The following METTL15 variants were observed in gnomAD, a reference collection of about 807,000 sequenced individuals.
METTL15 encodes 12S rRNA N(4)-cytidine methyltransferase METTL15.
In METTL15, 34 loss-of-function variants were observed where a neutral mutation model predicts 38.3. The ratio of observed to expected loss-of-function variants is 0.89; its 90% CI spans 0.68 to 1.18. The LOEUF (loss-of-function observed/expected upper bound fraction) is 1.18. Among genes scored for constraint, METTL15 ranks in the 50% most tolerant of loss-of-function variants. METTL15 has a pLI of 0.00. For missense variants in METTL15, 438 were observed against 498.4 expected (o/e 0.88, Z 1.15); for synonymous variants, 162 against 170.9 (o/e 0.95, Z 0.41).
At chr11:28,230,226 A>G (rs1207848354) in intron 4 of METTL15, among the ~76,000 whole-genome samples, 1 of 151,946 alleles carries the variant, frequency 6.6e-6, no homozygotes, top group African/African-American at 2.4e-5. Flanking sequence ...TTTGACAAAT[A>G]CAAATATAAG....
intron 4 of METTL15, chr11:28,287,223 T>A (rs1326589509): frequency 4.7e-6 from 1 of 214,052 alleles, no homozygotes; most frequent in Non-Finnish European, 9.4e-6. Flanking sequence ...TTTGTAAATT[T>A]GTATTACATC....
intron 3 of METTL15, among the ~76,000 whole-genome samples, chr11:28,116,034 C>G (rs1358551753): frequency 6.6e-6 from 1 of 151,940 alleles, no homozygotes; most frequent in Non-Finnish European, 1.5e-5. Context: ...ATAAGTCTCT[C>G]TCTTTATAGA....
chr11:28,161,039 A>G (rs1459100669), intron 3 of METTL15, among the ~76,000 whole-genome samples: 1 of 151,848 alleles, frequency 6.6e-6, no homozygotes, highest in African/African-American at 2.4e-5. Flanking sequence ...AGTAAATCAC[A>G]TTAAGTATTA....
intron 6 of METTL15, among the ~76,000 whole-genome samples, chr11:28,511,108 A>G (rs1480866046): frequency 6.6e-6 from 1 of 152,202 alleles, no homozygotes; most frequent in Non-Finnish European, 1.5e-5. Context: ...CTATATACAC[A>G]TGTACGCACT....
intron 3 of METTL15, among the ~76,000 whole-genome samples, chr11:28,126,268 C>T (rs1320043360): frequency 6.6e-6 from 1 of 152,018 alleles, no homozygotes; most frequent in African/African-American, 2.4e-5. Flanking sequence ...ATCCTCCTTC[C>T]TTGCTTGTTT....
At chr11:28,457,518 GC>G (rs1308375531) in intron 6 of METTL15, among the ~76,000 whole-genome samples, 1 of 152,148 alleles carries the variant, frequency 6.6e-6, no homozygotes, top group Admixed American at 6.5e-5. Context: ...GGTTGATAGG[GC>G]AAAAATTTCT....
At chr11:28,133,368 T>C (rs1849402135) in intron 3 of METTL15, among the ~76,000 whole-genome samples, 1 of 152,178 alleles carries the variant, frequency 6.6e-6, no homozygotes, top group Non-Finnish European at 1.5e-5. Flanking sequence ...CTTACTGTGG[T>C]CACTTTAGGT....
intron 6 of METTL15, among the ~76,000 whole-genome samples, chr11:28,462,876 G>A (rs1564938177): frequency 6.6e-6 from 1 of 152,108 alleles, no homozygotes; most frequent in Non-Finnish European, 1.5e-5. Context: ...AAGTAAGATA[G>A]TGCCAATTTA....
chr11:28,387,190 T>A (rs1850449531), intron 5 of METTL15, among the ~76,000 whole-genome samples: 1 of 151,510 alleles, frequency 6.6e-6, no homozygotes, highest in African/African-American at 2.4e-5. Context: ...GCAGAAGAAA[T>A]GAGCTAATAA....
At position 28,211,129 on chromosome 11, in the gene METTL15, T is replaced by C; in HGVS notation, c.338T>C (p.Ile113Thr). 4 of 1,612,974 alleles carry C rather than the reference T, an allele frequency of 2.5e-6. No homozygotes were observed. Among genetic ancestry groups the C allele is most frequent in the African/African-American group, 1.3e-5 (1 of 75,012 alleles). ...GCCATTCTGCAGAAGGAGTCAGATA[T>C]TGTTCTCTATGCCTTGGACAGAGAC... ...TKAILQKESD[I>T]VLYALDRDPT... The change falls in exon 4 of 7, where the codon ATT becomes ACT. Residue 113 changes from isoleucine (I) to threonine (T), a missense_variant. Ile to Thr is a moderately conservative substitution (Grantham distance 89). Coordinates refer to ENST00000407364, the MANE Select transcript of METTL15 (RefSeq NM_001113528.2).
At chr11:28,315,932 G>A (rs1460404069) in intron 6 of METTL15, among the ~76,000 whole-genome samples, 1 of 152,246 alleles carries the variant, frequency 6.6e-6, no homozygotes, top group Non-Finnish European at 1.5e-5. Context: ...TTCAGAAGAT[G>A]TATGGAAACA....
chr11:28,519,642 T>C (rs573873086), intron 6 of METTL15, among the ~76,000 whole-genome samples: 3 of 152,052 alleles, frequency 2.0e-5, no homozygotes, highest in Non-Finnish European at 4.4e-5. Context: ...ACTGAAGACA[T>C]ACTGGGAAGT....
intron 4 of METTL15, among the ~76,000 whole-genome samples, chr11:28,258,973 G>T (rs1039750234): frequency 2.0e-5 from 3 of 152,006 alleles, no homozygotes; most frequent in African/African-American, 7.2e-5. Context: ...AGTACAGCTG[G>T]GAATTTGCTG....
chr11:28,498,191 A>T (rs1373280380), intron 6 of METTL15, among the ~76,000 whole-genome samples: 1 of 151,784 alleles, frequency 6.6e-6, no homozygotes, highest in Non-Finnish European at 1.5e-5. Flanking sequence ...TTCCGGGGGC[A>T]TTTCAGATTG....
chr11:28,391,576 T>C (rs145491439), intron 5 of METTL15, among the ~76,000 whole-genome samples: 3 of 152,116 alleles, frequency 2.0e-5, no homozygotes, highest in Non-Finnish European at 2.9e-5. Context: ...ACTACAAGGC[T>C]ACAGTAACCA....
At chr11:28,240,675 T>C (rs1266486093) in intron 4 of METTL15, among the ~76,000 whole-genome samples, 3 of 152,190 alleles carry the variant, frequency 2.0e-5, no homozygotes, top group African/African-American at 4.8e-5. Flanking sequence ...ATGATTGATC[T>C]GCATTGATGT....
At chr11:28,432,084 A>G (rs1326523124) in intron 6 of METTL15, among the ~76,000 whole-genome samples, 1 of 152,054 alleles carries the variant, frequency 6.6e-6, no homozygotes, top group Non-Finnish European at 1.5e-5. Flanking sequence ...TGTGACTTGG[A>G]CTCCATCTCA....
chr11:28,120,268 T>C (rs1426776059), intron 3 of METTL15, among the ~76,000 whole-genome samples: 21 of 151,106 alleles, frequency 1.4e-4, no homozygotes, highest in Non-Finnish European at 2.5e-4. Flanking sequence ...TTTTTTTTTC[T>C]TCTTAAGAAA....
intron 6 of METTL15, among the ~76,000 whole-genome samples, chr11:28,456,136 G>A (rs1260213168): frequency 6.6e-6 from 1 of 152,120 alleles, no homozygotes; most frequent in African/African-American, 2.4e-5. Flanking sequence ...CTCATGAGGA[G>A]CTGGGACTAC....
Sources: gnomAD v4.1 joint callset for allele counts (sites outside exome capture counted in the v4.1 genomes callset) on GRCh38, gnomAD v4.1.1 for gene constraint, MANE v1.5 for transcripts, NCBI Gene and HGNC (gene_info 2026-07-23, HGNC 2026-07-21) for gene names.